The following ZNF580 variants were observed in gnomAD, a reference collection of about 807,000 sequenced individuals.
ZNF580 encodes the protein LDL-induced EC protein.
A neutral mutation model predicts 1.3 loss-of-function variants in ZNF580; 1 was observed. That is an observed-to-expected ratio of 0.77 (90% CI 0.27 to 3.65). The LOEUF is 3.65. Among genes scored for constraint, ZNF580 ranks in the 30% most tolerant of loss-of-function variants. The pLI is 0.19. For missense variants in ZNF580, 268 were observed against 272.3 expected (o/e 0.98, Z 0.11); for synonymous variants, 135 against 128.8 (o/e 1.05, Z -0.32).
In ZNF580 at chr19:55,642,999, A is replaced by G; in HGVS notation, c.491A>G (p.Glu164Gly). 2.2e-6 allele frequency: 3 copies of G among 1,368,098 alleles called. No individual in the cohort carries two copies. The highest frequency in any genetic ancestry group is 3.7e-5 in the South Asian group (2 of 54,214). The allele number at this position is 1,368,098 out of a possible 1,614,324, so 84.7% of individuals were successfully genotyped here. A position where few individuals can be genotyped will look rare whatever the true frequency, so the allele number is the denominator to read the frequency against. Residue 164 changes from glutamate to glycine, a missense_variant, in exon 2 of 2, where the codon GAG (glutamate) becomes GGG (glycine). By Grantham distance (98) the Glu-to-Gly change is moderately conservative. Around this residue, in one of 2 missense-constraint regions of ZNF580, gnomAD observed 43 missense variants for 70.5 expected, o/e 0.61. Coordinates refer to ENST00000325333, the MANE Select transcript of ZNF580 (RefSeq NM_207115.2). ...CCACGCCGCTTCCAGGACGCCGCGG[A>G]GCTGGCGCAGCACGTGCGCCTCCAC... ...LCPRRFQDAA[E>G]LAQHVRLH is the part of the protein sequence containing the mutation.
At position 55,643,100 on chromosome 19, in the gene ZNF580, C is replaced by T; in HGVS notation, c.*73C>T. 1 of 1,320,370 alleles carries T rather than the reference C, an allele frequency of 7.6e-7. No individual in the cohort carries two copies. Among genetic ancestry groups the T allele is most frequent in the Non-Finnish European group, 9.7e-7 (1 of 1,031,288 alleles). The allele number at this position is 1,320,370 out of a possible 1,614,324, so 81.8% of individuals were successfully genotyped here. ...TCTGACCCACACAGCGTCACTCACTCCCACACACACCCCCTGGCTCTGCTG... is the reference window on the plus strand; with the variant it reads ...TCTGACCCACACAGCGTCACTCACTTCCACACACACCCCCTGGCTCTGCTG... On this transcript the variant is annotated 3_prime_UTR_variant, in exon 2 of 2. Transcript: ENST00000325333.
chr19:55,642,197 A>T (rs1982542817), intron 1 of ZNF580: 1 of 1,143,204 alleles, frequency 8.7e-7, no homozygotes, highest in East Asian at 4.4e-5. Context: ...TTGAGAGGAG[A>T]AAAGGGAAGA....
intron 1 of ZNF580, chr19:55,642,269 T>C: frequency 8.1e-7 from 1 of 1,234,946 alleles, no homozygotes. Context: ...CCAGGAGGAG[T>C]GGCAGGTGGT....
At position 55,642,509 on chromosome 19, in the gene ZNF580, A is replaced by ATGC. The variant is rs1176276730; in HGVS notation, c.11_13dup (p.Leu4dup). On this transcript the variant is annotated inframe_insertion, in exon 2 of 2. Transcript: ENST00000325333. Reference sequence around the variant, plus strand: ...CCGCCGCTCCCAGCTGCCGCTCCAGATGCTGCTGCTGCCGCCGCGGCCACC... The same window carrying ATGC: ...CCGCCGCTCCCAGCTGCCGCTCCAGATGCTGCTGCTGCTGCCGCCGCGGCCACC... 11 of 1,438,072 alleles carry ATGC rather than the reference A, an allele frequency of 7.6e-6. No homozygotes were observed. The highest frequency in any genetic ancestry group is 1.6e-5 in the South Asian group (1 of 62,340). 89.1% of individuals were successfully genotyped at this position (1,438,072 alleles called of 1,614,324 possible). A position where few individuals can be genotyped will look rare whatever the true frequency, so the allele number is the denominator to read the frequency against.
rs2123632005 is a variant in ZNF580 at position 55,642,998 on chromosome 19, G to A, written c.490G>A (p.Glu164Lys). The change falls in exon 2 of 2, where the codon GAG becomes AAG. Residue 164 changes from glutamate (E) to lysine (K), a missense_variant. Around this residue, in one of 2 missense-constraint regions of ZNF580, gnomAD observed 43 missense variants for 70.5 expected, o/e 0.61. Transcript: ENST00000325333. ...CCCACGCCGCTTCCAGGACGCCGCG[G>A]AGCTGGCGCAGCACGTGCGCCTCCA... ...LCPRRFQDAA[E>K]LAQHVRLH The A allele has an allele frequency of 7.3e-7, 1 of 1,368,430 alleles. No homozygotes were observed. The highest frequency in any genetic ancestry group is 9.4e-7 in the Non-Finnish European group (1 of 1,060,778). The allele number at this position is 1,368,430 out of a possible 1,614,324, so 84.8% of individuals were successfully genotyped here.
rs928852238 is a variant in ZNF580 at position 55,643,080 on chromosome 19, C to T, written c.*53C>T. The stretch of plus-strand genomic sequence containing the variant: ...CCCGTCTCAGGGCCACCAAGTCTGA[C>T]CCACACAGCGTCACTCACTCCCACA... On this transcript the variant is annotated 3_prime_UTR_variant, in exon 2 of 2. Transcript: ENST00000325333. 1 of 1,336,482 alleles carries T rather than the reference C, an allele frequency of 7.5e-7. No individual in the cohort carries two copies. The highest frequency in any genetic ancestry group is 9.6e-7 in the Non-Finnish European group (1 of 1,040,986). 82.8% of individuals were successfully genotyped at this position (1,336,482 alleles called of 1,614,324 possible). A position where few individuals can be genotyped will look rare whatever the true frequency, so the allele number is the denominator to read the frequency against.
chr19:55,642,030 G>C (rs1412610696), intron 1 of ZNF580: 2 of 981,400 alleles, frequency 2.0e-6, no homozygotes, highest in Non-Finnish European at 2.4e-6. Flanking sequence ...TGGGGGGGTA[G>C]GGGGCGGCAA....
At position 55,641,045 on chromosome 19, in the gene ZNF580, C is replaced by T; in HGVS notation, c.-151C>T. ...CGCCAACCCCTCGCACCCCCGCGCC[C>T]CCAGTCCCCGCGTCCCCGGCGCCGC... On this transcript the variant is annotated 5_prime_UTR_variant, in exon 1 of 2. Coordinates refer to ENST00000325333, the MANE Select transcript of ZNF580 (RefSeq NM_207115.2). 2 of 985,142 alleles carry T rather than the reference C, an allele frequency of 2.0e-6. No individual in the cohort carries two copies. Among genetic ancestry groups the T allele is most frequent in the Non-Finnish European group, 2.4e-6 (2 of 829,746 alleles). The allele number at this position is 985,142 out of a possible 1,614,324, so 61.0% of individuals were successfully genotyped here.
At chr19:55,641,227 C>A in intron 1 of ZNF580, 44 bp downstream of exon 1, 1 of 973,840 alleles carries the variant, frequency 1.0e-6, no homozygotes, top group Non-Finnish European at 1.2e-6. Flanking sequence ...CCTGGGACGA[C>A]GCCGGGGCCA....
chr19:55,641,286 C>G, intron 1 of ZNF580, 103 bp downstream of exon 1: 2 of 744,456 alleles, frequency 2.7e-6, no homozygotes, highest in Non-Finnish European at 3.3e-6. Context: ...GGGTGGGGGT[C>G]GGGAGCGGCA....
rs953089561 is a variant in ZNF580 at position 55,643,018 on chromosome 19, C to G, written c.510C>G (p.Arg170=). 1 of 1,362,210 alleles carries G rather than the reference C, an allele frequency of 7.3e-7. No individual in the cohort carries two copies. The highest frequency in any genetic ancestry group is 1.5e-5 in the African/African-American group (1 of 64,914). 84.4% of individuals were successfully genotyped at this position (1,362,210 alleles called of 1,614,324 possible). A position where few individuals can be genotyped will look rare whatever the true frequency, so the allele number is the denominator to read the frequency against. The change falls in exon 2 of 2, where the codon CGC becomes CGG. Residue 170 remains arginine (R), a synonymous_variant. Coordinates refer to ENST00000325333, the MANE Select transcript of ZNF580 (RefSeq NM_207115.2). ...QDAAELAQHV[R]LH is the part of the protein sequence containing the mutation. ...CCGCGGAGCTGGCGCAGCACGTGCG[C>G]CTCCACTAAGCTCGAGACCCGGCCT...
chr19:55,642,617 T>G lies in ZNF580; in HGVS notation c.109T>G (p.Ser37Ala). The G allele has an allele frequency of 9.0e-6, 13 of 1,443,044 alleles. No homozygotes were observed. The highest frequency in any genetic ancestry group is 1.1e-5 in the Non-Finnish European group (12 of 1,098,196). 89.4% of individuals were successfully genotyped at this position (1,443,044 alleles called of 1,614,324 possible). Residue 37 changes from serine to alanine, a missense_variant, in exon 2 of 2, where the codon TCC (serine) becomes GCC (alanine). By Grantham distance (99) the Ser-to-Ala change is moderately conservative. Coordinates refer to ENST00000325333, the MANE Select transcript of ZNF580 (RefSeq NM_207115.2). ...TTTCCCCAAGGCGGAAGGCCCCTCC[T>G]CCACTCCTTCCTCGGCGGCGGGGCC... is the stretch of plus-strand genomic sequence containing the variant. ...PPFPKAEGPS[S>A]TPSSAAGPRP...
intron 1 of ZNF580, chr19:55,642,031 G>A (rs1159883531): frequency 2.0e-6 from 2 of 985,294 alleles, no homozygotes; most frequent in East Asian, 1.1e-4. Flanking sequence ...GGGGGGGTAG[G>A]GGGCGGCAAA....
At position 55,643,234 on chromosome 19, in the gene ZNF580, C is replaced by G. The variant is rs1471243532; in HGVS notation, c.*207C>G. ...TGTGATGTAGACCAAAGTCGTTGCCCCTCCCTGGGCCTGGGAACCAGTCGG... is the reference window on the plus strand; with the variant it reads ...TGTGATGTAGACCAAAGTCGTTGCCGCTCCCTGGGCCTGGGAACCAGTCGG... On this transcript the variant is annotated 3_prime_UTR_variant, in exon 2 of 2. Transcript: ENST00000325333. The G allele has an allele frequency of 1.2e-6, 1 of 840,910 alleles. No homozygotes were observed. The allele number at this position is 840,910 out of a possible 1,614,324, so 52.1% of individuals were successfully genotyped here.
chr19:55,641,592 G>A (rs1453799118), intron 1 of ZNF580, among the ~76,000 whole-genome samples: 1 of 152,136 alleles, frequency 6.6e-6, no homozygotes, highest in Non-Finnish European at 1.5e-5. Context: ...GAGAGGTGCT[G>A]TGGGAAGCGG....
chr19:55,641,276 G>A (rs1982453028), intron 1 of ZNF580, 93 bp downstream of exon 1: 1 of 814,834 alleles, frequency 1.2e-6, no homozygotes, highest in African/African-American at 1.9e-5. Context: ...CCCGGGATGG[G>A]GGTGGGGGTC....
Position 55,642,862 on chromosome 19 carries a change from G to A in ZNF580, c.354G>A (p.Lys118=). ...ACCGCGTGTCGCACTCGGACCTCAA[G>A]CCCTTCACGTGCGGCGCCTGCGGCA... ...QSHRVSHSDL[K]PFTCGACGKA... Residue 118 remains lysine, a synonymous_variant, in exon 2 of 2, where the codon AAG becomes AAA. Transcript: ENST00000325333. 1.9e-6 allele frequency: 3 copies of A among 1,570,906 alleles called. No individual in the cohort carries two copies. The highest frequency in any genetic ancestry group is 1.7e-6 in the Non-Finnish European group (2 of 1,167,286).
chr19:55,643,035 AC>A lies in ZNF580; in HGVS notation c.*11del. ...CACGTGCGCCTCCACTAAGCTCGAG[AC>A]CCGGCCTGTGCTGCCCTGCCCGTCT... On this transcript the variant is annotated 3_prime_UTR_variant, in exon 2 of 2. Coordinates refer to ENST00000325333, the MANE Select transcript of ZNF580 (RefSeq NM_207115.2). 1 of 1,357,542 alleles carries A rather than the reference AC, an allele frequency of 7.4e-7. No individual in the cohort carries two copies. The highest frequency in any genetic ancestry group is 9.5e-7 in the Non-Finnish European group (1 of 1,053,908). 84.1% of individuals were successfully genotyped at this position (1,357,542 alleles called of 1,614,324 possible).
rs1160563537 is a variant in ZNF580, at chr19:55,641,016, A to C, written c.-180A>C. On this transcript the variant is annotated 5_prime_UTR_variant, in exon 1 of 2. Coordinates refer to ENST00000325333, the MANE Select transcript of ZNF580 (RefSeq NM_207115.2). ...TTCCGGCCGGCGCCTTTTCCCAGGG[A>C]CTCCGCCAACCCCTCGCACCCCCGC... 1.0e-5 allele frequency: 10 copies of C among 984,458 alleles called. No individual in the cohort carries two copies. Among genetic ancestry groups the C allele is most frequent in the Non-Finnish European group, 1.2e-5 (10 of 829,718 alleles). 61.0% of individuals were successfully genotyped at this position (984,458 alleles called of 1,614,324 possible).
Sources: allele counts gnomAD v4.1 joint callset (sites outside exome capture counted in the v4.1 genomes callset), GRCh38; gene constraint gnomAD v4.1.1; regional missense constraint gnomAD v4.1.1; transcripts MANE v1.5; gene names NCBI Gene and HGNC (gene_info 2026-07-23, HGNC 2026-07-21).